HELZ2: variants seen among roughly 807,000 people sequenced by gnomAD.
HELZ2 encodes the protein helicase with zinc finger 2.
HELZ2 carries 143 observed loss-of-function variants against 208.8 expected under a neutral mutation model. That is an observed-to-expected ratio of 0.68 (90% CI 0.60 to 0.79). The LOEUF (loss-of-function observed/expected upper bound fraction) is 0.79, where lower values mean the gene tolerates loss of function less well. Among genes scored for constraint, HELZ2 ranks in the 30% least tolerant of loss-of-function variants. The pLI is 0.00. For synonymous variants in HELZ2, 1,705 were observed against 1,693.7 expected, an observed-to-expected ratio of 1.01 and a Z score of -0.16; for missense variants, 3,690 against 3,794.5, an observed-to-expected ratio of 0.97 and a Z score of 0.72.
intron 3 of HELZ2, 27 bp from the exon 5 acceptor site, chr20:63,569,692 G>T: frequency 6.7e-7 from 1 of 1,486,324 alleles, no homozygotes; most frequent in Non-Finnish European, 8.9e-7. Context: ...ACGGTGAGGG[G>T]GGCCCAGGGC....
chr20:63,561,066 C>G lies in HELZ2; in HGVS notation c.7146+16G>C, dbSNP rs755240975. ...GGGACGCCTGCTCATGCTGCCCACA[C>G]CCCCCGCCGACCAACCTTCTCGGCC... On this transcript the variant is annotated intron_variant, in intron 14 of 18. Coordinates refer to ENST00000467148, the Ensembl canonical transcript of HELZ2. 9.5e-5 allele frequency: 152 copies of G among 1,603,656 alleles called. 1 individual carries two copies. The South Asian group carries it at 1.0e-3, about 11-fold the overall frequency.
chr20:63,565,804 G>A (rs1242523616), exon 8 of HELZ2: 1 of 1,599,432 alleles, frequency 6.3e-7, no homozygotes, highest in Non-Finnish European at 8.5e-7. Flanking sequence ...GGGATGCTGG[G>A]CTCAGAGCCT....
At chr20:63,566,481 G>A (rs1412720599) in intron 6 of HELZ2, 28 bp from the exon 8 acceptor site, 4 of 1,541,032 alleles carry the variant, frequency 2.6e-6, no homozygotes, top group Admixed American at 4.0e-5. Flanking sequence ...CCGGGGATGA[G>A]TGCTGGACGC....
intron 6 of HELZ2, 83 bp downstream of exon 7, chr20:63,566,761 C>T: frequency 6.1e-6 from 8 of 1,313,716 alleles, no homozygotes; most frequent in South Asian, 4.1e-5. Context: ...GAAACTGAGG[C>T]GGGGGCTCGT....
At chr20:63,568,556 G>T (rs775407798) in exon 5 of HELZ2, 2 of 1,586,468 alleles carry the variant, frequency 1.3e-6, no homozygotes, top group Non-Finnish European at 1.7e-6. Context: ...ACGCCGCAAG[G>T]GTGGGACAGA....
At chr20:63,567,507 C>T (rs1482826107) in exon 6 of HELZ2, 7 of 1,559,184 alleles carry the variant, frequency 4.5e-6, no homozygotes, top group Admixed American at 1.9e-5. Flanking sequence ...AGTACTGCAG[C>T]GTGACTGGGT....
exon 5 of HELZ2, chr20:63,568,910 G>A (rs2082991200): frequency 1.2e-6 from 2 of 1,610,592 alleles, no homozygotes; most frequent in Admixed American, 1.7e-5. Context: ...GGGGACCTCT[G>A]CGTACAGTGC....
intron 3 of HELZ2, 58 bp downstream of exon 4, chr20:63,570,446 C>T (rs563321715): frequency 4.2e-6 from 6 of 1,434,782 alleles, no homozygotes; most frequent in Admixed American, 3.5e-5. Context: ...TCTGCCCGGG[C>T]TGAAGTCACC....
chr20:63,559,243 T>G (rs1261251046), exon 19 of HELZ2: 1 of 1,546,708 alleles, frequency 6.5e-7, no homozygotes. Context: ...TGGAGAGGGC[T>G]CTTCAGGAAG....
At chr20:63,563,742 C>T in exon 8 of HELZ2, 1 of 1,599,964 alleles carries the variant, frequency 6.3e-7, no homozygotes, top group Non-Finnish European at 8.5e-7. Flanking sequence ...GCAGAGCCCC[C>T]ATGGCCCAGC....
At chr20:63,565,557 C>T (rs1457216521) in exon 8 of HELZ2, 4 of 1,607,606 alleles carry the variant, frequency 2.5e-6, no homozygotes, top group Admixed American at 1.7e-5. Context: ...TCCTCCCCGA[C>T]GGTCACCATC....
At chr20:63,566,414 C>T (rs1247762409) in exon 7 of HELZ2, 2 of 1,548,436 alleles carry the variant, frequency 1.3e-6, no homozygotes, top group Non-Finnish European at 1.7e-6. Flanking sequence ...GACACCTGGC[C>T]TAGGTCCCGC....
exon 8 of HELZ2, chr20:63,563,074 C>T: frequency 6.3e-7 from 1 of 1,598,338 alleles, no homozygotes; most frequent in Non-Finnish European, 8.5e-7. Context: ...CGGGCCGCTC[C>T]ACGTGCTCCA....
At chr20:63,568,758 CCTGCTCTGAGCTGGCCCGCCT>C (rs1316855800) in exon 5 of HELZ2, 1 of 1,605,350 alleles carries the variant, frequency 6.2e-7, no homozygotes, top group Non-Finnish European at 8.5e-7. Context: ...AGCCACAGCG[CCTGCTCTGAGCTGGCCCGCCT>C]CTCCAGCCGC....
chr20:63,559,946 C>T (rs767470640), exon 18 of HELZ2: 18 of 1,610,960 alleles, frequency 1.1e-5, no homozygotes, highest in Non-Finnish European at 1.4e-5. Context: ...CAGAGCCCCT[C>T]CTGGGCCCGC....
At chr20:63,559,227 T>G (rs983131222) in exon 19 of HELZ2, 4 of 1,517,450 alleles carry the variant, frequency 2.6e-6, no homozygotes, top group African/African-American at 2.7e-5. Context: ...CCTGGCACCT[T>G]GCAGGTGGAG....
At chr20:63,561,495 C>A (rs1485591224) in intron 12 of HELZ2, 29 bp from the exon 14 acceptor site, 1 of 1,586,084 alleles carries the variant, frequency 6.3e-7, no homozygotes, top group East Asian at 2.2e-5. Flanking sequence ...TGAGCCCTGT[C>A]CACGCAGGGC....
At chr20:63,568,391 T>G (rs2082984368) in exon 5 of HELZ2, 2 of 1,610,850 alleles carry the variant, frequency 1.2e-6, no homozygotes, top group Admixed American at 3.3e-5. Context: ...CACCTTGGTT[T>G]CAGGCCTCCG....
upstream of HELZ2, chr20:63,573,323 CT>C (rs1249063577): frequency 6.6e-6 from 1 of 152,292 alleles, no homozygotes; most frequent in Non-Finnish European, 1.5e-5. This position sits in a 1 kb window ranked among gnomAD's most constrained non-coding sequence, Gnocchi z 4.9. Flanking sequence ...GGGGATCTGC[CT>C]ATCCTGATGC....
Sources: allele counts gnomAD v4.1 joint callset, GRCh38; gene constraint gnomAD v4.1.1; non-coding constraint Gnocchi (gnomAD v3.1); transcripts MANE v1.5; gene names NCBI Gene and HGNC (gene_info 2026-07-23, HGNC 2026-07-21).